HPSE2: variants seen among roughly 807,000 people sequenced by gnomAD.
HPSE2 encodes the protein heparanase 2 (inactive).
A neutral mutation model predicts 60.5 loss-of-function variants in HPSE2; 38 were observed. The observed-to-expected ratio is 0.63, with a 90% CI of 0.48 to 0.82. The LOEUF is 0.82. Ranked by LOEUF, HPSE2 falls within the 40% of genes least tolerant of loss-of-function variation. The pLI is 0.00. For synonymous variants in HPSE2, 295 were observed against 293.2 expected (o/e 1.01, Z -0.06); for missense variants, 713 against 740.4 (o/e 0.96, Z 0.43).
At chr10:98,580,598 G>A (rs377142463) in intron 9 of HPSE2, among the ~76,000 whole-genome samples, 2 of 151,718 alleles carry the variant, frequency 1.3e-5, no homozygotes, top group East Asian at 3.9e-4. Flanking sequence ...GTAGCTTGCT[G>A]TGCTGGTTTC....
intron 7 of HPSE2, among the ~76,000 whole-genome samples, chr10:98,620,970 C>T (rs1198776410): frequency 1.3e-5 from 2 of 152,108 alleles, no homozygotes; most frequent in Non-Finnish European, 2.9e-5. Context: ...AGAACAAGTG[C>T]ATACTCTAGG....
chr10:98,821,616 A>G (rs1951425948), intron 3 of HPSE2, among the ~76,000 whole-genome samples: 1 of 152,164 alleles, frequency 6.6e-6, no homozygotes, highest in African/African-American at 2.4e-5. Flanking sequence ...TGGTGAAAAT[A>G]AAACTGCAAA....
chr10:99,154,771 A>T lies in HPSE2; in HGVS notation c.449-10372T>A, dbSNP rs528213821. Among the ~76,000 whole-genome samples the T allele has an allele frequency of 1.7e-3, 264 of 152,012 alleles. 2 individuals carry two copies. Among genetic ancestry groups the T allele is most frequent in the African/African-American group, 5.8e-3 (240 of 41,542 alleles). On this transcript the variant is annotated intron_variant, in intron 2 of 11. Coordinates refer to ENST00000370552, the MANE Select transcript of HPSE2 (RefSeq NM_021828.5). ...ATAACAATATTAACTTTAAATGTAA[A>T]GGGACTAAATGCTCCAATTAAAAGA...
the HPSE2 span, among the ~76,000 whole-genome samples, chr10:99,304,075 C>T: frequency 6.6e-6 from 1 of 152,168 alleles, no homozygotes; most frequent in Non-Finnish European, 1.5e-5. Flanking sequence ...TGGACCTCTG[C>T]CCTTCTGAAG....
At chr10:98,481,537 A>G (rs948108363) in intron 11 of HPSE2, among the ~76,000 whole-genome samples, 32 of 152,314 alleles carry the variant, frequency 2.1e-4, no homozygotes, top group African/African-American at 7.5e-4. Flanking sequence ...AGAAAGAAAA[A>G]CAGACGCAAT....
At chr10:98,979,269 A>G (rs900447760) in intron 3 of HPSE2, among the ~76,000 whole-genome samples, 1 of 152,152 alleles carries the variant, frequency 6.6e-6, no homozygotes, top group African/African-American at 2.4e-5. Context: ...ACACATCCAG[A>G]AAAAGAAAGA....
At chr10:99,137,523 A>T (rs566242824) in intron 3 of HPSE2, among the ~76,000 whole-genome samples, 2 of 152,366 alleles carry the variant, frequency 1.3e-5, no homozygotes, top group African/African-American at 4.8e-5. Context: ...CCAAAACAGC[A>T]TGGTACTGGT....
At chr10:98,578,781 C>G (rs1176572139) in intron 9 of HPSE2, among the ~76,000 whole-genome samples, 1 of 152,116 alleles carries the variant, frequency 6.6e-6, no homozygotes, top group Non-Finnish European at 1.5e-5. Context: ...ATTCCTCTTC[C>G]CTCATCCTAT....
chr10:99,153,113 T>A (rs909238943), intron 2 of HPSE2, among the ~76,000 whole-genome samples: 6 of 151,660 alleles, frequency 4.0e-5, no homozygotes, highest in African/African-American at 1.2e-4. Flanking sequence ...GCCCACGGAG[T>A]CTCGCTGATT....
intron 9 of HPSE2, among the ~76,000 whole-genome samples, chr10:98,589,486 T>G (rs765712688): frequency 5.3e-5 from 8 of 152,200 alleles, no homozygotes; most frequent in Non-Finnish European, 1.0e-4. Flanking sequence ...GGCTCATCAC[T>G]TTTTAGCATG....
At chr10:99,253,401 T>C in the HPSE2 span, among the ~76,000 whole-genome samples, 22 of 152,192 alleles carry the variant, frequency 1.4e-4, no homozygotes, top group Non-Finnish European at 2.6e-4. Context: ...GGATTCCTTA[T>C]TCAATAAATG....
intron 9 of HPSE2, among the ~76,000 whole-genome samples, chr10:98,499,513 T>C (rs1408646820): frequency 1.3e-5 from 2 of 152,142 alleles, no homozygotes; most frequent in African/African-American, 4.8e-5. Context: ...CTCTGAACTT[T>C]GAAACAAATC....
chr10:98,721,465 T>C (rs935122752), intron 5 of HPSE2, among the ~76,000 whole-genome samples, 192 bp downstream of exon 5: 1 of 152,050 alleles, frequency 6.6e-6, no homozygotes, highest in African/African-American at 2.4e-5. Flanking sequence ...CTGTTGACTA[T>C]GGAAGGCCTA....
At chr10:98,605,840 C>T (rs1945565445) in intron 9 of HPSE2, among the ~76,000 whole-genome samples, 1 of 152,326 alleles carries the variant, frequency 6.6e-6, no homozygotes, top group African/African-American at 2.4e-5. Context: ...TGTGTGACCT[C>T]TGATGTGTGA....
chr10:98,503,912 T>A (rs1275202000), intron 9 of HPSE2, among the ~76,000 whole-genome samples: 1 of 152,118 alleles, frequency 6.6e-6, no homozygotes, highest in Non-Finnish European at 1.5e-5. Flanking sequence ...GTGCAGTGTA[T>A]ACTGCTCAAG....
intron 8 of HPSE2, among the ~76,000 whole-genome samples, chr10:98,619,743 C>G (rs1455909144): frequency 6.6e-6 from 1 of 152,198 alleles, no homozygotes; most frequent in East Asian, 1.9e-4. Context: ...TGACTCCCAC[C>G]TATAGAAATT....
chr10:98,807,527 T>C (rs1490633956), intron 3 of HPSE2, among the ~76,000 whole-genome samples: 1 of 152,350 alleles, frequency 6.6e-6, no homozygotes, highest in South Asian at 2.1e-4. Context: ...TAACATCATA[T>C]AGCTAGTACT....
chr10:98,697,095 C>T (rs1948244556), intron 5 of HPSE2, among the ~76,000 whole-genome samples: 1 of 152,260 alleles, frequency 6.6e-6, no homozygotes, highest in Non-Finnish European at 1.5e-5. Context: ...TGCCTCTTCT[C>T]CTCTAAATGA....
chr10:99,083,001 G>A (rs1005942010), intron 3 of HPSE2, among the ~76,000 whole-genome samples: 6 of 152,180 alleles, frequency 3.9e-5, no homozygotes, highest in Admixed American at 3.9e-4. Context: ...CCTTTGTTTA[G>A]AGAGCTCTAC....
Sources: gnomAD v4.1 joint callset for allele counts (sites outside exome capture counted in the v4.1 genomes callset) on GRCh38, gnomAD v4.1.1 for gene constraint, MANE v1.5 for transcripts, NCBI Gene and HGNC (gene_info 2026-07-23, HGNC 2026-07-21) for gene names.